Variants in KCNIP4 observed in about 807,000 individuals in gnomAD.
The protein encoded by KCNIP4 is Kv channel-interacting protein 4.
A neutral mutation model predicts 34.0 loss-of-function variants in KCNIP4; 12 were observed. The ratio of observed to expected loss-of-function variants is 0.35; its 90% CI spans 0.23 to 0.57. The LOEUF (loss-of-function observed/expected upper bound fraction) is 0.57, where lower values mean the gene tolerates loss of function less well. KCNIP4 is among the 20% of genes least tolerant of loss of function. The pLI is 0.83. For synonymous variants in KCNIP4, 124 were observed against 102.2 expected, an observed-to-expected ratio of 1.21 and a Z score of -1.29; for missense variants, 238 against 311.7, an observed-to-expected ratio of 0.76 and a Z score of 1.78.
chr4:21,188,772 G>T (rs1425346), intron 1 of KCNIP4, among the ~76,000 whole-genome samples: 8,689 of 152,238 alleles, frequency 0.057, 312 homozygotes, highest in East Asian at 0.15. Flanking sequence ...CATGGTAATA[G>T]ATTAATTACT....
At chr4:21,557,959 G>T (rs951289873) in intron 1 of KCNIP4, among the ~76,000 whole-genome samples, 1 of 152,130 alleles carries the variant, frequency 6.6e-6, no homozygotes, top group Non-Finnish European at 1.5e-5. Flanking sequence ...TGATGGGAAG[G>T]GAAATTGAGG....
chr4:21,432,260 A>C (rs664565), intron 1 of KCNIP4, among the ~76,000 whole-genome samples: 1 of 150,458 alleles, frequency 6.6e-6, no homozygotes, highest in Non-Finnish European at 1.5e-5. Context: ...GCGAGGAAAA[A>C]TGTAGATTAG....
At chr4:20,871,278 C>T (rs73802378) in intron 2 of KCNIP4, among the ~76,000 whole-genome samples, 5,425 of 152,076 alleles carry the variant, frequency 0.036, 99 homozygotes, top group African/African-American at 0.053. Context: ...GTGGCAATGT[C>T]AAGTGGCTGG....
intron 1 of KCNIP4, among the ~76,000 whole-genome samples, chr4:21,877,361 A>G (rs989234753): frequency 6.6e-6 from 1 of 152,048 alleles, no homozygotes; most frequent in Non-Finnish European, 1.5e-5. Flanking sequence ...CTCAAAAATA[A>G]ATAAATAAAT....
intron 1 of KCNIP4, among the ~76,000 whole-genome samples, chr4:21,025,991 G>C (rs112554256): frequency 1.3e-5 from 2 of 152,136 alleles, no homozygotes; most frequent in Non-Finnish European, 2.9e-5. Flanking sequence ...ATGGAACACC[G>C]ATTCTAAGAG....
At chr4:21,176,628 C>T (rs9997930) in intron 1 of KCNIP4, among the ~76,000 whole-genome samples, 55,771 of 152,106 alleles carry the variant, frequency 0.37, 11,828 homozygotes, top group African/African-American at 0.59. Flanking sequence ...GTACAACAAA[C>T]TCTCCTGCCT....
chr4:21,107,627 T>G (rs976993801), intron 1 of KCNIP4, among the ~76,000 whole-genome samples: 1 of 150,694 alleles, frequency 6.6e-6, no homozygotes, highest in African/African-American at 2.5e-5. Context: ...TATGTATGAA[T>G]TTGATCCTGT....
Position 20,990,468 on chromosome 4 carries a change from G to A in KCNIP4, c.62-107759C>T, listed in dbSNP as rs112270207. 9.9e-5 allele frequency among the ~76,000 whole-genome samples: 15 copies of A among 152,280 alleles called. 2 individuals carry two copies. Among genetic ancestry groups the A allele is most frequent in the African/African-American group, 3.6e-4 (15 of 41,554 alleles). ...AATGCCCTATTGAATCCACAAGGTC[G>A]ATTGGATTTTCAAATAGAAAGCTGA... On this transcript the variant is annotated intron_variant, in intron 1 of 8. Coordinates refer to ENST00000382152, the MANE Select transcript of KCNIP4 (RefSeq NM_025221.6).
intron 3 of KCNIP4, among the ~76,000 whole-genome samples, chr4:20,777,570 T>G (rs1756479380): frequency 1.3e-5 from 2 of 152,156 alleles, no homozygotes; most frequent in Admixed American, 1.3e-4. Context: ...GAAGAGGGAC[T>G]TTACCAGTAA....
At chr4:20,924,373 T>C (rs528099940) in intron 1 of KCNIP4, among the ~76,000 whole-genome samples, 1 of 152,360 alleles carries the variant, frequency 6.6e-6, no homozygotes, top group East Asian at 1.9e-4. Context: ...TTGTGTCAGA[T>C]GAACTTTGAG....
At chr4:21,212,515 G>A (rs1757290639) in intron 1 of KCNIP4, among the ~76,000 whole-genome samples, 1 of 152,172 alleles carries the variant, frequency 6.6e-6, no homozygotes, top group Non-Finnish European at 1.5e-5. Flanking sequence ...TTGTTTCACG[G>A]TTGTCTTCAT....
intron 1 of KCNIP4, among the ~76,000 whole-genome samples, chr4:21,828,969 G>T (rs1187692453): frequency 3.3e-5 from 5 of 151,528 alleles, no homozygotes; most frequent in African/African-American, 1.2e-4. Flanking sequence ...ACATATAGGG[G>T]AAAAGCAATA....
intron 1 of KCNIP4, among the ~76,000 whole-genome samples, chr4:21,133,548 C>T (rs144465733): frequency 7.2e-4 from 110 of 152,284 alleles, no homozygotes; most frequent in East Asian, 2.9e-3. Flanking sequence ...CAAGGTTAGG[C>T]AATTCAACTA....
At chr4:21,775,005 T>A (rs997893977) in intron 1 of KCNIP4, among the ~76,000 whole-genome samples, 1 of 152,200 alleles carries the variant, frequency 6.6e-6, no homozygotes, top group Non-Finnish European at 1.5e-5. Context: ...GATGTTGTGA[T>A]CATCTGGAGG....
At chr4:21,805,996 C>A (rs1207656616) in intron 1 of KCNIP4, among the ~76,000 whole-genome samples, 1 of 152,194 alleles carries the variant, frequency 6.6e-6, no homozygotes, top group Non-Finnish European at 1.5e-5. Flanking sequence ...TAGGAATTTT[C>A]TGTTTAGATG....
At chr4:21,874,398 C>T (rs1335326111) in intron 1 of KCNIP4, among the ~76,000 whole-genome samples, 1 of 152,156 alleles carries the variant, frequency 6.6e-6, no homozygotes, top group African/African-American at 2.4e-5. Flanking sequence ...AACTGCTTTA[C>T]CTGGGTTCCT....
chr4:21,338,674 T>C (rs1306356723), intron 1 of KCNIP4, among the ~76,000 whole-genome samples: 2 of 151,756 alleles, frequency 1.3e-5, no homozygotes, highest in Non-Finnish European at 2.9e-5. Flanking sequence ...TAGTAATAAT[T>C]CAATAATTCT....
At chr4:21,073,121 C>G (rs987810896) in intron 1 of KCNIP4, among the ~76,000 whole-genome samples, 1 of 152,096 alleles carries the variant, frequency 6.6e-6, no homozygotes, top group East Asian at 1.9e-4. Flanking sequence ...ATTGACTTGG[C>G]AATGTGGGCT....
At chr4:21,054,700 T>A in intron 1 of KCNIP4, among the ~76,000 whole-genome samples, 1 of 106,778 alleles carries the variant, frequency 9.4e-6, no homozygotes. Context: ...ACCTGAATAC[T>A]CACATGCAAA....
Sources: allele counts gnomAD v4.1 joint callset (sites outside exome capture counted in the v4.1 genomes callset), GRCh38; gene constraint gnomAD v4.1.1; transcripts MANE v1.5; gene names NCBI Gene and HGNC (gene_info 2026-07-23, HGNC 2026-07-21).